CCDC7: variants seen among roughly 807,000 people sequenced by gnomAD.
CCDC7 encodes coiled-coil domain-containing protein 7.
A neutral mutation model predicts 196.9 loss-of-function variants in CCDC7; 183 were observed. The observed-to-expected ratio is 0.93, with a 90% confidence interval of 0.82 to 1.05. The LOEUF is 1.05. CCDC7 is among the 50% of genes least tolerant of loss of function. CCDC7 has a pLI of 0.00. For missense variants in CCDC7, 1,540 were observed against 1,482.2 expected, an observed-to-expected ratio of 1.04 and a Z score of -0.64; for synonymous variants, 525 against 484.6, an observed-to-expected ratio of 1.08 and a Z score of -1.10.
chr10:32,601,285 G>T (rs1197196430), intron 18 of CCDC7, among the ~76,000 whole-genome samples: 1 of 152,138 alleles, frequency 6.6e-6, no homozygotes, highest in Non-Finnish European at 1.5e-5. Flanking sequence ...TGACCAGGCT[G>T]GTCTCAAACT....
chr10:32,653,618 G>A (rs1375047892), intron 20 of CCDC7, among the ~76,000 whole-genome samples: 1 of 152,110 alleles, frequency 6.6e-6, no homozygotes, highest in Non-Finnish European at 1.5e-5. Context: ...CCTCCATCTT[G>A]CTCTGGTGAT....
At chr10:32,525,812 G>A (rs1001620515) in intron 11 of CCDC7, among the ~76,000 whole-genome samples, 1 of 151,726 alleles carries the variant, frequency 6.6e-6, no homozygotes, top group Non-Finnish European at 1.5e-5. Flanking sequence ...GGATTCTCTG[G>A]ATTACCAGGC....
chr10:32,737,134 A>G (rs2084994317), intron 28 of CCDC7, among the ~76,000 whole-genome samples: 1 of 152,028 alleles, frequency 6.6e-6, no homozygotes, highest in Non-Finnish European at 1.5e-5. Flanking sequence ...TTTTTTCTTT[A>G]GTCTGTTGAT....
chr10:32,641,888 C>A (rs1286706350), intron 20 of CCDC7, among the ~76,000 whole-genome samples: 12 of 152,182 alleles, frequency 7.9e-5, no homozygotes, highest in African/African-American at 2.9e-4. Flanking sequence ...CCCTCAGCTG[C>A]AGGTCTGTTG....
At chr10:32,858,209 C>T (rs532290577) in intron 41 of CCDC7, among the ~76,000 whole-genome samples, 3 of 152,128 alleles carry the variant, frequency 2.0e-5, no homozygotes, top group Non-Finnish European at 4.4e-5. Context: ...TTGAATACTA[C>T]GAAACATTCA....
chr10:32,862,917 A>G (rs2094060085), intron 41 of CCDC7, among the ~76,000 whole-genome samples: 1 of 152,140 alleles, frequency 6.6e-6, no homozygotes, highest in Non-Finnish European at 1.5e-5. Flanking sequence ...TTATGATAGC[A>G]TAAAAAAGCT....
chr10:32,588,441 C>A (rs997379664), intron 18 of CCDC7, among the ~76,000 whole-genome samples: 1 of 151,988 alleles, frequency 6.6e-6, no homozygotes, highest in African/African-American at 2.4e-5. Context: ...TTCCATTGTT[C>A]GATTAATGTG....
At chr10:32,629,580 T>G (rs2064545583) in intron 18 of CCDC7, among the ~76,000 whole-genome samples, 1 of 152,104 alleles carries the variant, frequency 6.6e-6, no homozygotes, top group Non-Finnish European at 1.5e-5. Flanking sequence ...GTGCTCACTA[T>G]TTTGTTCAAG....
At chr10:32,472,161 G>A (rs2038087466) in intron 6 of CCDC7, among the ~76,000 whole-genome samples, 1 of 152,080 alleles carries the variant, frequency 6.6e-6, no homozygotes, top group African/African-American at 2.4e-5. Flanking sequence ...ATCATTATAC[G>A]ATTGATAATA....
At chr10:32,756,940 G>A (rs1027999438) in intron 28 of CCDC7, among the ~76,000 whole-genome samples, 4 of 152,114 alleles carry the variant, frequency 2.6e-5, no homozygotes, top group African/African-American at 7.2e-5. Flanking sequence ...AGAAAAAGCA[G>A]GAGTTGCAAT....
intron 20 of CCDC7, among the ~76,000 whole-genome samples, chr10:32,651,486 TAAAGAA>T (rs1184945177): frequency 2.6e-5 from 4 of 152,016 alleles, no homozygotes; most frequent in African/African-American, 9.7e-5. Context: ...ATGTAAGAGT[TAAAGAA>T]AAAGGAAAGA....
At chr10:32,667,929 G>A (rs895462884) in intron 21 of CCDC7, among the ~76,000 whole-genome samples, 7 of 152,032 alleles carry the variant, frequency 4.6e-5, no homozygotes, top group African/African-American at 9.7e-5. Context: ...GCTTGATGGG[G>A]ATGGCATTGA....
chr10:32,543,922 A>G (rs1456501591), intron 12 of CCDC7, among the ~76,000 whole-genome samples: 5 of 152,076 alleles, frequency 3.3e-5, no homozygotes, highest in African/African-American at 9.6e-5. Flanking sequence ...GTCAAACTTT[A>G]TAGAATTCCA....
chr10:32,662,313 A>G (rs1317055494), intron 20 of CCDC7, among the ~76,000 whole-genome samples: 1 of 152,200 alleles, frequency 6.6e-6, no homozygotes, highest in Non-Finnish European at 1.5e-5. Context: ...TTAAAACCAG[A>G]TACTGTGAGT....
At chr10:32,860,340 A>AAGG (rs1180254437) in intron 41 of CCDC7, among the ~76,000 whole-genome samples, 2 of 152,232 alleles carry the variant, frequency 1.3e-5, no homozygotes, top group Admixed American at 1.3e-4. Flanking sequence ...AGATGCCGAA[A>AAGG]AGGCCTTTGA....
chr10:32,597,781 C>A (rs555517810), intron 18 of CCDC7, among the ~76,000 whole-genome samples: 1 of 152,292 alleles, frequency 6.6e-6, no homozygotes, highest in South Asian at 2.1e-4. Flanking sequence ...GGTGTGCTGG[C>A]GGTCCACGCC....
intron 5 of CCDC7, among the ~76,000 whole-genome samples, chr10:32,464,062 C>G (rs1469518430): frequency 6.6e-6 from 1 of 152,048 alleles, no homozygotes; most frequent in Non-Finnish European, 1.5e-5. Context: ...AATGGGTTTA[C>G]TTTTACTCTT....
intron 28 of CCDC7, among the ~76,000 whole-genome samples, chr10:32,738,005 C>T (rs933708382): frequency 2.6e-5 from 4 of 152,154 alleles, no homozygotes; most frequent in African/African-American, 9.7e-5. Flanking sequence ...TATATTTAGA[C>T]CATTCACATT....
At chr10:32,692,763 G>A (rs1343163400) in intron 23 of CCDC7, among the ~76,000 whole-genome samples, 2 of 152,186 alleles carry the variant, frequency 1.3e-5, no homozygotes, top group African/African-American at 2.4e-5. Context: ...GATAGAGGCA[G>A]GTCCCCAGCT....
Sources: gnomAD v4.1 joint callset for allele counts (sites outside exome capture counted in the v4.1 genomes callset) on GRCh38, gnomAD v4.1.1 for gene constraint, MANE v1.5 for transcripts, NCBI Gene and HGNC (gene_info 2026-07-23, HGNC 2026-07-21) for gene names.